MARCHF7: variants seen among roughly 807,000 people sequenced by gnomAD.
MARCHF7 encodes the protein E3 ubiquitin-protein ligase MARCHF7.
MARCHF7 carries 20 observed loss-of-function variants against 76.5 expected under a neutral mutation model. The observed-to-expected ratio is 0.26, with a 90% CI of 0.18 to 0.38. The LOEUF is 0.38. Ranked by LOEUF, MARCHF7 falls within the 10% of genes least tolerant of loss-of-function variation. MARCHF7 has a pLI of 1.00. For missense variants in MARCHF7, 797 were observed against 812.9 expected (o/e 0.98, Z 0.24); for synonymous variants, 295 against 293.0 (o/e 1.01, Z -0.07).
chr2:159,764,172 T>C (rs899714938), intron 10 of MARCHF7, among the ~76,000 whole-genome samples: 4 of 151,570 alleles, frequency 2.6e-5, no homozygotes, highest in Non-Finnish European at 4.4e-5. Context: ...CTGTATACTT[T>C]TATCAAATTT....
intron 5 of MARCHF7, among the ~76,000 whole-genome samples, chr2:159,745,173 A>T (rs13390526): frequency 0.12 from 17,736 of 152,204 alleles, 2,417 homozygotes; most frequent in African/African-American, 0.33. Flanking sequence ...TACATAATGT[A>T]TAGGTAGATG....
chr2:159,732,738 C>A, intron 4 of MARCHF7: 1 of 579,022 alleles, frequency 1.7e-6, no homozygotes, highest in Non-Finnish European at 2.2e-6. Context: ...TGCTGTGTTG[C>A]CCAGGCTGGA....
Position 159,748,678 on chromosome 2 carries a change from C to T in MARCHF7, c.1388C>T (p.Thr463Ile), listed in dbSNP as rs139027450. Residue 463 changes from threonine (T) to isoleucine (I), a missense_variant, in exon 7 of 12, where the codon ACA (threonine) becomes ATA (isoleucine). By Grantham distance (89) the Thr-to-Ile change is moderately conservative. Coordinates refer to ENST00000409175, the MANE Select transcript of MARCHF7 (RefSeq NM_001282805.2). ...AGCAGTGCCACAACAGGTGGCTCTA[C>T]ATCAGATTCGGCTCAAGGTGGAAGA... Reference protein sequence around the residue: ...ASSSATTGGSTSDSAQGGRNT... With the variant: ...ASSSATTGGSISDSAQGGRNT... 6.1e-5 allele frequency: 98 copies of T among 1,614,050 alleles called. No individual in the cohort carries two copies. In the African/African-American group the frequency reaches 1.1e-3, roughly 19 times the overall value.
intron 9 of MARCHF7, among the ~76,000 whole-genome samples, chr2:159,760,452 T>G (rs985941046): frequency 6.6e-6 from 1 of 152,220 alleles, no homozygotes; most frequent in Non-Finnish European, 1.5e-5. Flanking sequence ...GTTGTTTTAT[T>G]CTCTGATGCA....
intron 3 of MARCHF7, among the ~76,000 whole-genome samples, chr2:159,726,925 A>G (rs78498691): frequency 6.6e-6 from 1 of 152,252 alleles, no homozygotes. Context: ...AGTATTCAGT[A>G]CAGGAACATG....
At chr2:159,716,493 TACA>T (rs1456458904) in intron 3 of MARCHF7, among the ~76,000 whole-genome samples, 1 of 151,806 alleles carries the variant, frequency 6.6e-6, no homozygotes, top group African/African-American at 2.4e-5. Context: ...CTAAAAAAAA[TACA>T]ACAATTAGCT....
intron 3 of MARCHF7, among the ~76,000 whole-genome samples, chr2:159,726,904 C>T (rs1702238910): frequency 6.6e-6 from 1 of 152,172 alleles, no homozygotes; most frequent in Non-Finnish European, 1.5e-5. Context: ...CATTGAATTA[C>T]ATTTGTCTAC....
chr2:159,768,492 A>G lies in MARCHF7; in HGVS notation c.*1150A>G, dbSNP rs1269741885. Reference sequence around the variant, plus strand: ...TAAATAGGAACCATGTAATTTCTCAAAAGTGATTGAACAGTTTGCCCACAC... The same window carrying G: ...TAAATAGGAACCATGTAATTTCTCAGAAGTGATTGAACAGTTTGCCCACAC... On this transcript the variant is annotated 3_prime_UTR_variant, in exon 12 of 12. Transcript: ENST00000409175. 1.3e-5 allele frequency: 2 copies of G among 152,596 alleles called. No homozygotes were observed. Among genetic ancestry groups the G allele is most frequent in the Admixed American group, 1.3e-4 (2 of 15,280 alleles). The allele number at this position is 152,596 out of a possible 1,614,324, so 9.5% of individuals were successfully genotyped here.
chr2:159,728,948 T>C, intron 3 of MARCHF7, 61 bp from the exon 4 acceptor site: 1 of 995,482 alleles, frequency 1.0e-6, no homozygotes, highest in East Asian at 2.7e-5. Context: ...TTAAGGAGGA[T>C]TAAGCATTAA....
At position 159,714,588 on chromosome 2, in the gene MARCHF7, T is replaced by TA. The variant is rs1274245184; in HGVS notation, c.-110dup. The TA allele has an allele frequency of 2.6e-5, 4 of 152,210 alleles. No individual in the cohort carries two copies. The highest frequency in any genetic ancestry group is 6.5e-5 in the Admixed American group (1 of 15,284). The allele number at this position is 152,210 out of a possible 1,614,324, so 9.4% of individuals were successfully genotyped here. On this transcript the variant is annotated 5_prime_UTR_variant, in exon 2 of 12. Coordinates refer to ENST00000409175, the MANE Select transcript of MARCHF7 (RefSeq NM_001282805.2). ...ATGATTTGTTCCTGTAGCTGAAACA[T>TA]ACATTGAATGGTAAGTTAGAGCCCG...
At position 159,743,146 on chromosome 2, in the gene MARCHF7, C is replaced by T. The variant is rs146259885; in HGVS notation, c.239C>T (p.Ser80Leu). 45 of 1,614,158 alleles carry T rather than the reference C, an allele frequency of 2.8e-5. No homozygotes were observed. Among genetic ancestry groups the T allele is most frequent in the Non-Finnish European group, 3.3e-5 (39 of 1,180,026 alleles). Residue 80 changes from serine to leucine, a missense_variant, in exon 5 of 12, where the codon TCG becomes TTG. Physicochemically the swap from Ser to Leu is moderately radical, Grantham distance 145. This residue lies in a region of MARCHF7 where 643 missense variants were observed against 631.5 expected (regional missense o/e 1.02). Coordinates refer to ENST00000409175, the MANE Select transcript of MARCHF7 (RefSeq NM_001282805.2). Reference protein sequence around the residue: ...SEITQGARSRSQNQQRDHDSK... With the variant: ...SEITQGARSRLQNQQRDHDSK... ...ATAACTCAGGGAGCACGCTCAAGAT[C>T]GCAGAACCAGCAACGGGATCATGAT...
intron 4 of MARCHF7, chr2:159,733,700 CTT>C (rs1703099950): frequency 4.1e-6 from 4 of 985,198 alleles, no homozygotes; most frequent in African/African-American, 1.7e-5. Flanking sequence ...ATGTTATAGA[CTT>C]AATATGGGAA....
At chr2:159,735,120 G>C (rs540891406) in intron 4 of MARCHF7, among the ~76,000 whole-genome samples, 1 of 152,298 alleles carries the variant, frequency 6.6e-6, no homozygotes, top group South Asian at 2.1e-4. Flanking sequence ...TTTCAAACAA[G>C]GGAGAGCTCA....
chr2:159,748,096 A>ACTT lies in MARCHF7; in HGVS notation c.806_807insCTT (p.Glu269delinsAspLeu), dbSNP rs779950680. Reference sequence around the variant, plus strand: ...GTTTCATCTCAAAGACCATTTCAAGAATCTTCTGACAATGAAGGTAGGCGG... The same window carrying ACTT: ...GTTTCATCTCAAAGACCATTTCAAGACTTATCTTCTGACAATGAAGGTAGGCGG... On this transcript the variant is annotated protein_altering_variant, in exon 7 of 12. Coordinates refer to ENST00000409175, the MANE Select transcript of MARCHF7 (RefSeq NM_001282805.2). The ACTT allele has an allele frequency of 6.2e-7, 1 of 1,614,150 alleles. No homozygotes were observed. Among genetic ancestry groups the ACTT allele is most frequent in the East Asian group, 2.2e-5 (1 of 44,888 alleles).
chr2:159,770,790 C>A lies in MARCHF7; in HGVS notation c.*3448C>A, dbSNP rs1020831470. Reference sequence around the variant, plus strand: ...TCTACCATCTGGGTTTGTGTAAATACAAGCTGATTTTCACACAAGATTCCC... The same window carrying A: ...TCTACCATCTGGGTTTGTGTAAATAAAAGCTGATTTTCACACAAGATTCCC... On this transcript the variant is annotated 3_prime_UTR_variant, in exon 12 of 12. Coordinates refer to ENST00000409175, the MANE Select transcript of MARCHF7 (RefSeq NM_001282805.2). 1 of 152,130 alleles carries A rather than the reference C, an allele frequency of 6.6e-6. No individual in the cohort carries two copies. The highest frequency in any genetic ancestry group is 2.4e-5 in the African/African-American group (1 of 41,440). The allele number at this position is 152,130 out of a possible 1,614,324, so 9.4% of individuals were successfully genotyped here. A position where few individuals can be genotyped will look rare whatever the true frequency, so the allele number is the denominator to read the frequency against.
At position 159,767,510 on chromosome 2, in the gene MARCHF7, TTGC is replaced by T. The variant is rs1435844244; in HGVS notation, c.*171_*173del. 2.2e-6 allele frequency: 1 copy of T among 452,700 alleles called. No individual in the cohort carries two copies. The allele number at this position is 452,700 out of a possible 1,614,324, so 28.0% of individuals were successfully genotyped here. On this transcript the variant is annotated 3_prime_UTR_variant, in exon 12 of 12. Transcript: ENST00000409175. ...GTATATATATATTCATTCTCCAGTG[TTGC>T]TGAATTAAAATTCTGCTGGACTTTT...
chr2:159,722,106 C>T (rs1306768015), intron 3 of MARCHF7, among the ~76,000 whole-genome samples: 2 of 152,132 alleles, frequency 1.3e-5, no homozygotes, highest in African/African-American at 4.8e-5. Context: ...ATGCCTCTTT[C>T]CAGTAGTCTG....
intron 4 of MARCHF7, chr2:159,733,883 T>C (rs763188533): frequency 8.3e-7 from 1 of 1,204,642 alleles, no homozygotes; most frequent in Non-Finnish European, 1.0e-6. Context: ...TCCAAGATTC[T>C]GGATAGCATT....
At chr2:159,761,394 A>G (rs1707053671) in intron 9 of MARCHF7, among the ~76,000 whole-genome samples, 3 of 142,310 alleles carry the variant, frequency 2.1e-5, no homozygotes, top group African/African-American at 5.2e-5. Flanking sequence ...ATAATTATTA[A>G]GTGAATCATT....
Sources: gnomAD v4.1 joint callset for allele counts (sites outside exome capture counted in the v4.1 genomes callset) on GRCh38, gnomAD v4.1.1 for gene constraint, gnomAD v4.1.1 regional missense constraint, MANE v1.5 for transcripts, NCBI Gene and HGNC (gene_info 2026-07-23, HGNC 2026-07-21) for gene names.